Variants in PLEKHA5 observed in about 807,000 individuals in gnomAD.
PLEKHA5 encodes pleckstrin homology domain containing A5.
In PLEKHA5, 55 loss-of-function variants were observed where a neutral mutation model predicts 181.9. The observed-to-expected ratio is 0.30, with a 90% CI of 0.24 to 0.38. The LOEUF is 0.38. Among genes scored for constraint, PLEKHA5 ranks in the 10% least tolerant of loss-of-function variants. The pLI, the probability that PLEKHA5 is intolerant of heterozygous loss-of-function variation, is 1.00. For synonymous variants in PLEKHA5, 535 were observed against 529.4 expected (o/e 1.01, Z -0.15); for missense variants, 1,432 against 1,549.5 (o/e 0.92, Z 1.27).
At chr12:19,324,517 A>G (rs759364533) in intron 20 of PLEKHA5, among the ~76,000 whole-genome samples, 4 of 152,196 alleles carry the variant, frequency 2.6e-5, no homozygotes, top group Non-Finnish European at 5.9e-5. Flanking sequence ...CCTAAAACTC[A>G]AATCCAGATC....
intron 16 of PLEKHA5, among the ~76,000 whole-genome samples, chr12:19,316,220 A>T (rs1269372356): frequency 6.6e-6 from 1 of 152,152 alleles, no homozygotes. Context: ...TTTTGTTGTA[A>T]TAGGTTATGT....
intron 3 of PLEKHA5, among the ~76,000 whole-genome samples, chr12:19,230,729 C>T (rs1044751810): frequency 3.3e-5 from 5 of 152,234 alleles, no homozygotes; most frequent in African/African-American, 1.2e-4. Flanking sequence ...TTCCCACCGG[C>T]ACCTCTCCCT....
intron 3 of PLEKHA5, chr12:19,200,246 TA>T: frequency 9.8e-7 from 1 of 1,017,504 alleles, no homozygotes; most frequent in Non-Finnish European, 1.4e-6. Context: ...CCATCCCCCT[TA>T]AATATGTATA....
intron 3 of PLEKHA5, among the ~76,000 whole-genome samples, chr12:19,217,296 G>A (rs1218686964): frequency 6.6e-6 from 1 of 152,152 alleles, no homozygotes; most frequent in Non-Finnish European, 1.5e-5. Flanking sequence ...TACACGTGTG[G>A]AATGCAGTTT....
In PLEKHA5 at chr12:19,138,167, C is replaced by G. The variant is rs199970053; in HGVS notation, c.227+5717C>G. On this transcript the variant is annotated intron_variant, in intron 3 of 31. Coordinates refer to ENST00000429027, the MANE Select transcript of PLEKHA5 (RefSeq NM_001256470.2). ...GATGGAATTTCTTTGAATTTGTTAGCAGATGCTCTTTTCTTGTGACTGTTT... is the reference window on the plus strand; with the variant it reads ...GATGGAATTTCTTTGAATTTGTTAGGAGATGCTCTTTTCTTGTGACTGTTT... 2.6e-5 allele frequency among the ~76,000 whole-genome samples: 4 copies of G among 152,262 alleles called. No homozygotes were observed. The East Asian group carries it at 7.7e-4, about 29-fold the overall frequency.
intron 20 of PLEKHA5, among the ~76,000 whole-genome samples, chr12:19,326,877 G>C (rs1317798104): frequency 1.3e-5 from 2 of 152,168 alleles, no homozygotes; most frequent in African/African-American, 4.8e-5. Flanking sequence ...CTGCATCCAT[G>C]ATGCTGCAAA....
intron 10 of PLEKHA5, among the ~76,000 whole-genome samples, chr12:19,272,601 G>A (rs1040334661): frequency 2.0e-5 from 3 of 152,048 alleles, no homozygotes; most frequent in African/African-American, 7.2e-5. Flanking sequence ...GCTAGGTGTG[G>A]TGGCGTGTAC....
chr12:19,301,733 C>A (rs987525944), intron 15 of PLEKHA5, among the ~76,000 whole-genome samples: 2 of 152,090 alleles, frequency 1.3e-5, no homozygotes, highest in Non-Finnish European at 2.9e-5. Flanking sequence ...CAGGAAAAAA[C>A]GTATGATAAT....
intron 3 of PLEKHA5, among the ~76,000 whole-genome samples, chr12:19,178,192 G>GA (rs2047747912): frequency 1.3e-5 from 2 of 152,204 alleles, no homozygotes; most frequent in East Asian, 1.9e-4. Context: ...GCTGTGACGT[G>GA]AAAAAAACTG....
At chr12:19,252,328 A>C (rs983539388) in intron 3 of PLEKHA5, among the ~76,000 whole-genome samples, 1 of 152,176 alleles carries the variant, frequency 6.6e-6, no homozygotes, top group South Asian at 2.1e-4. Flanking sequence ...AAGAAAACTA[A>C]TATTCAATAC....
chr12:19,139,724 G>C (rs1011200828), intron 3 of PLEKHA5, among the ~76,000 whole-genome samples: 1 of 152,188 alleles, frequency 6.6e-6, no homozygotes, highest in Non-Finnish European at 1.5e-5. Flanking sequence ...GCCTTAGCCC[G>C]TTGTGGGGGT....
At chr12:19,134,571 T>A (rs1212901528) in intron 3 of PLEKHA5, among the ~76,000 whole-genome samples, 1 of 152,168 alleles carries the variant, frequency 6.6e-6, no homozygotes, top group Non-Finnish European at 1.5e-5. Flanking sequence ...GACTAATTTC[T>A]TTTAAGGTTA....
At chr12:19,250,169 G>T (rs1194625637) in intron 3 of PLEKHA5, among the ~76,000 whole-genome samples, 1 of 152,184 alleles carries the variant, frequency 6.6e-6, no homozygotes, top group Non-Finnish European at 1.5e-5. Flanking sequence ...AAGTCTGGAA[G>T]TAAGAGTAGG....
chr12:19,276,202 A>G (rs747505930), intron 11 of PLEKHA5, among the ~76,000 whole-genome samples: 2 of 152,206 alleles, frequency 1.3e-5, no homozygotes, highest in Non-Finnish European at 2.9e-5. Flanking sequence ...TCAATGAGTG[A>G]AGAACAGGCT....
intron 3 of PLEKHA5, among the ~76,000 whole-genome samples, chr12:19,139,200 C>T (rs2036583522): frequency 6.6e-6 from 1 of 152,112 alleles, no homozygotes; most frequent in African/African-American, 2.4e-5. Flanking sequence ...GTCAAAAGCT[C>T]CTCAAAGCCT....
intron 15 of PLEKHA5, among the ~76,000 whole-genome samples, chr12:19,298,408 CTTTTTTTTTT>C (rs533661916): frequency 3.8e-5 from 4 of 106,334 alleles, no homozygotes; most frequent in African/African-American, 7.4e-5. Context: ...ATTTTTTTAG[CTTTTTTTTTT>C]TTTTTTTTTT....
intron 11 of PLEKHA5, among the ~76,000 whole-genome samples, chr12:19,276,318 A>G (rs1049333930): frequency 1.1e-4 from 17 of 152,130 alleles, no homozygotes; most frequent in African/African-American, 4.1e-4. Flanking sequence ...TGAGAAGAGG[A>G]TGAGGATGTA....
At position 19,224,643 on chromosome 12, in the gene PLEKHA5, A is replaced by G. The variant is rs146771698; in HGVS notation, c.228-29297A>G. On this transcript the variant is annotated intron_variant, in intron 3 of 31. Coordinates refer to ENST00000429027, the MANE Select transcript of PLEKHA5 (RefSeq NM_001256470.2). Reference sequence around the variant, plus strand: ...AAATATTTCTAAATAAATATGACTAAGTTACAGAATTTTAGACAATTTGCT... The same window carrying G: ...AAATATTTCTAAATAAATATGACTAGGTTACAGAATTTTAGACAATTTGCT... Among the ~76,000 whole-genome samples the G allele has an allele frequency of 4.0e-3, 612 of 152,294 alleles. 1 individual carries two copies. The highest frequency in any genetic ancestry group is 0.014 in the African/African-American group (578 of 41,570).
intron 21 of PLEKHA5, among the ~76,000 whole-genome samples, chr12:19,337,243 T>C (rs1455518737): frequency 1.3e-5 from 2 of 152,154 alleles, no homozygotes; most frequent in East Asian, 3.9e-4. Context: ...TTAGTTTTCT[T>C]ATCTATAAAA....
Sources: allele counts gnomAD v4.1 joint callset (sites outside exome capture counted in the v4.1 genomes callset), GRCh38; gene constraint gnomAD v4.1.1; transcripts MANE v1.5; gene names NCBI Gene and HGNC (gene_info 2026-07-23, HGNC 2026-07-21).